OSMR: variants seen among roughly 807,000 people sequenced by gnomAD.
OSMR encodes the protein oncostatin-M-specific receptor subunit beta.
Under a neutral mutation model 99.9 loss-of-function variants are expected in OSMR, and 81 were observed. That is an observed-to-expected ratio of 0.81 (90% confidence interval 0.68 to 0.97). The LOEUF is 0.97. OSMR is among the 50% of genes least tolerant of loss of function. OSMR has a pLI of 0.00. For missense variants in OSMR, 1,099 were observed against 1,153.4 expected, an observed-to-expected ratio of 0.95 and a Z score of 0.68; for synonymous variants, 406 against 410.4, an observed-to-expected ratio of 0.99 and a Z score of 0.13.
chr5:38,915,134 T>C (rs1314195348), intron 9 of OSMR, among the ~76,000 whole-genome samples: 1 of 152,236 alleles, frequency 6.6e-6, no homozygotes, highest in Admixed American at 6.5e-5. Context: ...GAATGAGTTA[T>C]ATGGAAATAT....
Position 38,872,913 on chromosome 5 carries a change from A to G in OSMR, c.74-3288A>G, listed in dbSNP as rs1013778036. On this transcript the variant is annotated intron_variant, in intron 2 of 17. Transcript: ENST00000274276. Reference sequence around the variant, plus strand: ...GAAAAGAGTAGGATTATAGAAACTCAATTTCTGTGTTATGCCAGCATTTTT... The same window carrying G: ...GAAAAGAGTAGGATTATAGAAACTCGATTTCTGTGTTATGCCAGCATTTTT... Among the ~76,000 whole-genome samples, 6 of 152,372 alleles carry G rather than the reference A, an allele frequency of 3.9e-5. No homozygotes were observed. In the East Asian group the frequency reaches 1.2e-3, roughly 29 times the overall value.
intron 2 of OSMR, chr5:38,944,572 GA>G: frequency 6.3e-7 from 1 of 1,583,368 alleles, no homozygotes; most frequent in Non-Finnish European, 8.6e-7. Context: ...TTTAACACCT[GA>G]AAAGATTTCA....
At chr5:38,931,338 A>G (rs1746740368) in intron 15 of OSMR, among the ~76,000 whole-genome samples, 5 of 152,150 alleles carry the variant, frequency 3.3e-5, no homozygotes, top group Admixed American at 3.3e-4. Context: ...GGTAAGCTGG[A>G]CTCCAAGCTT....
chr5:38,871,155 G>A (rs1742358183), intron 2 of OSMR, among the ~76,000 whole-genome samples: 1 of 152,198 alleles, frequency 6.6e-6, no homozygotes, highest in Non-Finnish European at 1.5e-5. Context: ...AGGGTCTCCA[G>A]GAAATCCCAG....
intron 7 of OSMR, among the ~76,000 whole-genome samples, chr5:38,892,624 C>A (rs1744233386): frequency 6.6e-6 from 1 of 152,146 alleles, no homozygotes; most frequent in Admixed American, 6.5e-5. Context: ...AGTACTGCCA[C>A]ATCGGAGAAC....
intron 4 of OSMR, 80 bp downstream of exon 4, chr5:38,881,844 T>G (rs1216938690): frequency 8.0e-7 from 1 of 1,249,208 alleles, no homozygotes; most frequent in African/African-American, 1.5e-5. Flanking sequence ...AGTGGAAATC[T>G]CCTTTGAGGA....
chr5:38,869,563 T>C (rs1223778636), intron 2 of OSMR, among the ~76,000 whole-genome samples: 3 of 152,220 alleles, frequency 2.0e-5, no homozygotes. Flanking sequence ...TAGTAAAATA[T>C]GAGTAAAAGC....
intron 5 of OSMR, 34 bp from the exon 6 acceptor site, chr5:38,885,315 A>T: frequency 6.2e-7 from 1 of 1,612,956 alleles, no homozygotes; most frequent in Non-Finnish European, 8.5e-7. Context: ...CAATAAAAAG[A>T]TTTAACTAGG....
At chr5:38,878,113 G>A (rs1347123777) in intron 3 of OSMR, among the ~76,000 whole-genome samples, 4 of 152,152 alleles carry the variant, frequency 2.6e-5, no homozygotes, top group African/African-American at 9.7e-5. Flanking sequence ...CTTCACTCCT[G>A]TGCCCAGAAA....
At chr5:38,869,382 G>A (rs1742196362) in intron 2 of OSMR, among the ~76,000 whole-genome samples, 1 of 152,132 alleles carries the variant, frequency 6.6e-6, no homozygotes, top group African/African-American at 2.4e-5. Flanking sequence ...GTTGTAAATA[G>A]ACCTAATCCC....
chr5:38,863,320 C>T (rs1280969265), intron 1 of OSMR, among the ~76,000 whole-genome samples: 4 of 151,000 alleles, frequency 2.6e-5, no homozygotes, highest in African/African-American at 7.3e-5. Context: ...GCGGGCAGTT[C>T]ATGAGGTCAA....
chr5:38,929,341 G>A (rs1746615071), intron 15 of OSMR, among the ~76,000 whole-genome samples: 1 of 152,000 alleles, frequency 6.6e-6, no homozygotes, highest in African/African-American at 2.4e-5. Flanking sequence ...CTCGGATTAG[G>A]AGACAGAGAG....
At chr5:38,906,884 AT>A (rs780938191) in intron 9 of OSMR, among the ~76,000 whole-genome samples, 84 of 152,356 alleles carry the variant, frequency 5.5e-4, no homozygotes, top group African/African-American at 1.9e-3. Flanking sequence ...ACTAAAAAAA[AT>A]AGGAAAGTTA....
rs149096224 is a variant in OSMR at position 38,899,532 on chromosome 5, C to T, written c.992-4350C>T. 1.8e-3 allele frequency among the ~76,000 whole-genome samples: 269 copies of T among 152,258 alleles called. 1 individual carries two copies. Among genetic ancestry groups the T allele is most frequent in the African/African-American group, 4.3e-3 (179 of 41,540 alleles). The stretch of plus-strand genomic sequence containing the variant: ...TAGTGGGTCTCACCTGAAGCCAGCA[C>T]GTCTCAGAGTCTCACCCAAGGCCCA... On this transcript the variant is annotated intron_variant, in intron 7 of 17. Coordinates refer to ENST00000274276, the MANE Select transcript of OSMR (RefSeq NM_003999.3).
intron 7 of OSMR, among the ~76,000 whole-genome samples, chr5:38,887,218 TATTG>T (rs1406694864): frequency 2.6e-5 from 4 of 152,210 alleles, no homozygotes; most frequent in Non-Finnish European, 5.9e-5. Flanking sequence ...TTTATATGTC[TATTG>T]ATTAACAAAA....
At chr5:38,924,392 C>T in intron 13 of OSMR, 30 bp from the exon 14 acceptor site, 1 of 1,613,876 alleles carries the variant, frequency 6.2e-7, no homozygotes, top group Non-Finnish European at 8.5e-7. Flanking sequence ...CAAATCATGA[C>T]TTTTCTCTTA....
rs557216598 is a variant in OSMR, at chr5:38,855,183, G to C, written c.-14+8796G>C. On this transcript the variant is annotated intron_variant, in intron 1 of 17. Transcript: ENST00000274276. ...CCAATCTTGGATTTTCACTTGATCTGCAGGAGGGGCCACAGTAGAGGGTGT... is the reference window on the plus strand; with the variant it reads ...CCAATCTTGGATTTTCACTTGATCTCCAGGAGGGGCCACAGTAGAGGGTGT... 6.6e-5 allele frequency among the ~76,000 whole-genome samples: 10 copies of C among 152,270 alleles called. No individual in the cohort carries two copies. In the South Asian group the frequency reaches 2.1e-3, roughly 32 times the overall value.
rs1309785152 is a variant in OSMR, at chr5:38,869,080, C to T, written c.36C>T (p.Phe12=). The change falls in exon 2 of 18, where the codon TTC becomes TTT. Residue 12 remains phenylalanine, a synonymous_variant. Coordinates refer to ENST00000274276, the MANE Select transcript of OSMR (RefSeq NM_003999.3). ...ALFAVFQTTF[F]LTLLSLRTYQ... ...TTGCAGTCTTTCAGACAACATTCTTCTTAACATTGCTGTCCTTGAGGACTT... is the reference window on the plus strand; with the variant it reads ...TTGCAGTCTTTCAGACAACATTCTTTTTAACATTGCTGTCCTTGAGGACTT... 6.2e-7 allele frequency: 1 copy of T among 1,613,682 alleles called. No homozygotes were observed. The highest frequency in any genetic ancestry group is 1.7e-5 in the Admixed American group (1 of 60,034).
intron 2 of OSMR, 53 bp from the exon 3 acceptor site, chr5:38,876,148 T>C (rs1296250893): frequency 4.4e-6 from 7 of 1,589,940 alleles, no homozygotes; most frequent in East Asian, 2.2e-5. Flanking sequence ...TTTCTGACTC[T>C]TCAATCATGC....
Sources: gnomAD v4.1 joint callset for allele counts (sites outside exome capture counted in the v4.1 genomes callset) on GRCh38, gnomAD v4.1.1 for gene constraint, MANE v1.5 for transcripts, NCBI Gene and HGNC (gene_info 2026-07-23, HGNC 2026-07-21) for gene names.